PDE8B: variants seen among roughly 807,000 people sequenced by gnomAD.
PDE8B encodes the protein high affinity cAMP-specific and IBMX-insensitive 3',5'-cyclic phosphodiesterase 8B.
In PDE8B, 26 loss-of-function variants were observed where a neutral mutation model predicts 101.3. That is an observed-to-expected ratio of 0.26 (90% CI 0.19 to 0.36). PDE8B has a LOEUF of 0.36. Among genes scored for constraint, PDE8B ranks in the 10% least tolerant of loss-of-function variants. The pLI is 1.00. For synonymous variants in PDE8B, 424 were observed against 429.3 expected (o/e 0.99, Z 0.15); for missense variants, 810 against 1,163.1 (o/e 0.70, Z 4.42).
chr5:77,153,819 C>A, the PDE8B span, among the ~76,000 whole-genome samples: 2 of 152,164 alleles, frequency 1.3e-5, no homozygotes, highest in Admixed American at 6.5e-5. Context: ...AAGTGATCCA[C>A]CTGCCTCAGC....
At chr5:77,307,568 G>A (rs1329200557) in intron 1 of PDE8B, among the ~76,000 whole-genome samples, 2 of 151,984 alleles carry the variant, frequency 1.3e-5, no homozygotes, top group Admixed American at 6.6e-5. Flanking sequence ...TTTATACCAC[G>A]GAAGTCAACA....
chr5:77,152,315 G>A, the PDE8B span, among the ~76,000 whole-genome samples: 1 of 152,210 alleles, frequency 6.6e-6, no homozygotes. Flanking sequence ...TGCCTGACTT[G>A]AGTTCGCAAT....
At chr5:77,116,385 C>T in the PDE8B span, among the ~76,000 whole-genome samples, 1 of 151,826 alleles carries the variant, frequency 6.6e-6, no homozygotes, top group South Asian at 2.1e-4. Context: ...GCATGTGCCA[C>T]CACACCCGGC....
intron 10 of PDE8B, among the ~76,000 whole-genome samples, chr5:77,381,371 C>G (rs1787426087): frequency 6.6e-6 from 1 of 152,120 alleles, no homozygotes; most frequent in South Asian, 2.1e-4. Context: ...AAGGAAGCAG[C>G]AAGGATGACC....
chr5:77,423,659 T>TTTTTTTTTG, intron 20 of PDE8B, among the ~76,000 whole-genome samples: 1 of 102,380 alleles, frequency 9.8e-6, no homozygotes, highest in Non-Finnish European at 1.9e-5. Context: ...TTTTTTTTTT[T>TTTTTTTTTG]GAGACAGTCT....
At chr5:77,291,476 G>T in intron 1 of PDE8B, 2 of 1,610,468 alleles carry the variant, frequency 1.2e-6, no homozygotes, top group Non-Finnish European at 8.5e-7. Context: ...CTTTTGCTCC[G>T]ATTCTGTATG....
At chr5:77,370,691 A>G (rs1451778101) in intron 10 of PDE8B, among the ~76,000 whole-genome samples, 1 of 152,204 alleles carries the variant, frequency 6.6e-6, no homozygotes, top group African/African-American at 2.4e-5. Context: ...TAGATTTGCT[A>G]AGTCATGGAT....
chr5:77,415,062 T>C (rs1468162229), intron 17 of PDE8B, among the ~76,000 whole-genome samples: 1 of 152,154 alleles, frequency 6.6e-6, no homozygotes, highest in African/African-American at 2.4e-5. Flanking sequence ...GGACAGAATA[T>C]GTTTACAATT....
chr5:77,098,424 C>T, the PDE8B span, among the ~76,000 whole-genome samples: 1 of 152,022 alleles, frequency 6.6e-6, no homozygotes, highest in African/African-American at 2.4e-5. Context: ...GCTGGGACTT[C>T]AGGCACATGC....
intron 10 of PDE8B, among the ~76,000 whole-genome samples, chr5:77,385,795 G>GTTGTT (rs1554095023): frequency 9.3e-6 from 1 of 107,994 alleles, no homozygotes; most frequent in African/African-American, 3.8e-5. Flanking sequence ...AGTGAGTGAG[G>GTTGTT]TTTTTTTTTT....
chr5:77,413,820 T>A (rs1795009292), intron 17 of PDE8B, among the ~76,000 whole-genome samples: 1 of 152,162 alleles, frequency 6.6e-6, no homozygotes, highest in South Asian at 2.1e-4. Context: ...CTGAAAGAGT[T>A]CCATATCCCT....
intron 10 of PDE8B, among the ~76,000 whole-genome samples, chr5:77,387,311 C>T (rs1056347062): frequency 3.3e-5 from 5 of 152,038 alleles, no homozygotes; most frequent in African/African-American, 1.2e-4. Context: ...TTTTATTTCT[C>T]CTTCACTTAT....
chr5:77,097,089 T>A, the PDE8B span, among the ~76,000 whole-genome samples: 2 of 152,192 alleles, frequency 1.3e-5, no homozygotes, highest in African/African-American at 2.4e-5. Context: ...AGTTTTTCCT[T>A]AATTATATAC....
At chr5:77,089,194 C>T in the PDE8B span, among the ~76,000 whole-genome samples, 2 of 152,118 alleles carry the variant, frequency 1.3e-5, no homozygotes, top group South Asian at 2.1e-4. Flanking sequence ...CTAGCATTGC[C>T]GCCTGAGCTC....
chr5:77,389,603 C>T lies in PDE8B; in HGVS notation c.1168-10645C>T, dbSNP rs143691854. On this transcript the variant is annotated intron_variant, in intron 10 of 21. Coordinates refer to ENST00000264917, the MANE Select transcript of PDE8B (RefSeq NM_003719.5). ...TCCCCATCACGATATTAAACCTTGC[C>T]GTCCCAAAAGTCCCTTCATGCCCCT... is the stretch of plus-strand genomic sequence containing the variant. Among the ~76,000 whole-genome samples the T allele has an allele frequency of 9.9e-4, 150 of 152,208 alleles. 2 individuals carry two copies. In the East Asian group the frequency reaches 0.023, roughly 24 times the overall value.
At chr5:77,361,642 G>A (rs1450808418) in intron 10 of PDE8B, among the ~76,000 whole-genome samples, 6 of 151,790 alleles carry the variant, frequency 4.0e-5, no homozygotes, top group Admixed American at 2.6e-4. Context: ...AGCCTCCCAA[G>A]TAGCTGGGAC....
At chr5:77,222,457 C>T (rs533239340) in intron 1 of PDE8B, among the ~76,000 whole-genome samples, 2 of 152,052 alleles carry the variant, frequency 1.3e-5, no homozygotes, top group South Asian at 4.1e-4. Flanking sequence ...CCCCATCTCT[C>T]CTAAAAATAC....
chr5:77,380,029 A>G (rs1787152557), intron 10 of PDE8B, among the ~76,000 whole-genome samples: 1 of 152,252 alleles, frequency 6.6e-6, no homozygotes, highest in African/African-American at 2.4e-5. Flanking sequence ...AAAGTGCTTA[A>G]TAAGTCAACG....
chr5:77,172,092 T>TA, the PDE8B span, among the ~76,000 whole-genome samples: 4 of 152,246 alleles, frequency 2.6e-5, no homozygotes, highest in African/African-American at 7.2e-5. Flanking sequence ...ATTTATTTAT[T>TA]AAAAAAAGAA....
Sources: allele counts gnomAD v4.1 joint callset (sites outside exome capture counted in the v4.1 genomes callset), GRCh38; gene constraint gnomAD v4.1.1; transcripts MANE v1.5; gene names NCBI Gene and HGNC (gene_info 2026-07-23, HGNC 2026-07-21).